Variants in PVT1 observed in about 807,000 individuals in gnomAD.
PVT1 encodes CXCR4/PVT1 fusion.
At chr8:128,005,257 T>C (rs538068501) in intron 4 of PVT1, among the ~76,000 whole-genome samples, 64 of 152,358 alleles carry the variant, frequency 4.2e-4, no homozygotes, top group African/African-American at 7.7e-4. Context: ...TTTTTTGTTA[T>C]TTGTTTTTGA....
intron 5 of PVT1, among the ~76,000 whole-genome samples, chr8:128,081,603 A>G (rs547449064): frequency 1.3e-5 from 2 of 152,342 alleles, no homozygotes; most frequent in Admixed American, 1.3e-4. Flanking sequence ...TATTGCTGAA[A>G]GAAACCCTGA....
At chr8:128,020,628 C>G (rs1448083958) in intron 4 of PVT1, among the ~76,000 whole-genome samples, 1 of 152,184 alleles carries the variant, frequency 6.6e-6, no homozygotes, top group Non-Finnish European at 1.5e-5. Flanking sequence ...CTGATAGGAG[C>G]CCAGTCCGCT....
intron 2 of PVT1, among the ~76,000 whole-genome samples, chr8:127,885,190 G>GTGA (rs1815509436): frequency 6.6e-6 from 1 of 152,144 alleles, no homozygotes; most frequent in Non-Finnish European, 1.5e-5. Context: ...GAGCCGAGGA[G>GTGA]TGAGTGTGTG....
rs117766154 is a variant in PVT1, at chr8:127,887,475, C to T, written n.373-3114C>T. On this transcript the variant is annotated intron_variant and non_coding_transcript_variant, in intron 2 of 10. Transcript: ENST00000651587. ...AACTGCTTCAATAGGAACTACTCAA[C>T]CATTGCCAGAACCTTCTTGAACTTT... 9.5e-3 allele frequency among the ~76,000 whole-genome samples: 1,443 copies of T among 152,330 alleles called. 14 individuals carry two copies. The highest frequency in any genetic ancestry group is 0.016 in the South Asian group (79 of 4,824).
chr8:128,085,154 C>G (rs530034076), intron 5 of PVT1, among the ~76,000 whole-genome samples: 2 of 152,248 alleles, frequency 1.3e-5, no homozygotes. Flanking sequence ...ACTGTCAAGC[C>G]GAAGAGGTCC....
chr8:127,821,809 C>CA (rs35101455), intron 2 of PVT1, among the ~76,000 whole-genome samples: 107 of 128,986 alleles, frequency 8.3e-4, no homozygotes, highest in African/African-American at 1.3e-3. Context: ...GTCTCTGTCT[C>CA]AAAAAAAAAA....
chr8:127,905,170 G>C, intron 3 of PVT1, among the ~76,000 whole-genome samples: 1 of 152,188 alleles, frequency 6.6e-6, no homozygotes, highest in East Asian at 1.9e-4. Context: ...AATCCAACTG[G>C]ACCAGCTTCT....
At chr8:127,897,245 C>T (rs1041165866) in intron 3 of PVT1, among the ~76,000 whole-genome samples, 4 of 152,186 alleles carry the variant, frequency 2.6e-5, no homozygotes, top group African/African-American at 9.7e-5. Context: ...TGGCCTTGGC[C>T]TCTGGATATC....
At chr8:127,825,247 C>T (rs1487801511) in intron 2 of PVT1, among the ~76,000 whole-genome samples, 1 of 151,336 alleles carries the variant, frequency 6.6e-6, no homozygotes, top group African/African-American at 2.4e-5. Flanking sequence ...GGATAGATTT[C>T]TGCAAGAATT....
chr8:127,814,931 G>T (rs1183586591), intron 2 of PVT1, among the ~76,000 whole-genome samples: 2 of 151,904 alleles, frequency 1.3e-5, no homozygotes, highest in Non-Finnish European at 2.9e-5. Context: ...TCATCCTTTT[G>T]TGACTGGCTC....
At chr8:127,955,709 A>G (rs1422806730) in intron 3 of PVT1, among the ~76,000 whole-genome samples, 1 of 151,786 alleles carries the variant, frequency 6.6e-6, no homozygotes, top group Non-Finnish European at 1.5e-5. Flanking sequence ...CAGCCTCCCG[A>G]GTAGCTGGGA....
At chr8:128,014,450 G>C (rs1817349274) in intron 4 of PVT1, among the ~76,000 whole-genome samples, 1 of 152,198 alleles carries the variant, frequency 6.6e-6, no homozygotes, top group Admixed American at 6.5e-5. Flanking sequence ...CTAATTATGA[G>C]AAGAGAAGTG....
intron 4 of PVT1, among the ~76,000 whole-genome samples, chr8:127,993,765 C>T (rs967873242): frequency 3.3e-5 from 5 of 152,192 alleles, no homozygotes; most frequent in Non-Finnish European, 7.3e-5. Flanking sequence ...CAAAGGCAGC[C>T]CTGTCATCTG....
At chr8:127,897,495 A>AAAGG (rs140627372) in intron 3 of PVT1, among the ~76,000 whole-genome samples, 238 of 150,710 alleles carry the variant, frequency 1.6e-3, no homozygotes, top group African/African-American at 3.1e-3. Context: ...AGAGAGAAAG[A>AAAGG]AAGGAAGGAA....
chr8:128,065,389 T>C (rs1267660017), intron 4 of PVT1, among the ~76,000 whole-genome samples: 1 of 152,110 alleles, frequency 6.6e-6, no homozygotes, highest in Non-Finnish European at 1.5e-5. Context: ...TTTTGCCATG[T>C]TGGCCAGGCT....
At chr8:127,896,324 A>ACACACT (rs1356685346) in intron 3 of PVT1, among the ~76,000 whole-genome samples, 20 of 152,160 alleles carry the variant, frequency 1.3e-4, no homozygotes, top group African/African-American at 4.6e-4. Context: ...ACAGTATTGG[A>ACACACT]CACACTGTTC....
At chr8:127,934,245 C>T (rs1023919841) in intron 3 of PVT1, among the ~76,000 whole-genome samples, 1 of 152,204 alleles carries the variant, frequency 6.6e-6, no homozygotes, top group African/African-American at 2.4e-5. Flanking sequence ...GGATGCTGCA[C>T]ATTCCAGGGT....
At chr8:127,804,834 C>T (rs73351173) in intron 2 of PVT1, among the ~76,000 whole-genome samples, 2 of 150,096 alleles carry the variant, frequency 1.3e-5, no homozygotes, top group Admixed American at 1.3e-4. Flanking sequence ...GGGATTACAG[C>T]GTGAGCCACC....
chr8:127,862,434 T>G (rs1425999949), intron 2 of PVT1, among the ~76,000 whole-genome samples: 2 of 152,122 alleles, frequency 1.3e-5, no homozygotes, highest in Admixed American at 6.5e-5. Flanking sequence ...CTTTTAATTT[T>G]TATTTTTTAG....
Sources: gnomAD v4.1 joint callset for allele counts (sites outside exome capture counted in the v4.1 genomes callset) on GRCh38, gnomAD v4.1.1 for gene constraint, MANE v1.5 for transcripts, NCBI Gene and HGNC (gene_info 2026-07-23, HGNC 2026-07-21) for gene names.